Variants in PCMTD1 observed in about 807,000 individuals in gnomAD.
The protein encoded by PCMTD1 is protein-L-isoaspartate O-methyltransferase domain-containing protein 1.
PCMTD1 carries 12 observed loss-of-function variants against 37.6 expected under a neutral mutation model. The ratio of observed to expected loss-of-function variants is 0.32; its 90% CI spans 0.20 to 0.52. The LOEUF (loss-of-function observed/expected upper bound fraction) is 0.52, where lower values mean the gene tolerates loss of function less well. Among genes scored for constraint, PCMTD1 ranks in the 20% least tolerant of loss-of-function variants. The probability of loss-of-function intolerance (pLI) is 0.97; values close to 1 mark genes in which losing one functional copy is unlikely to be tolerated. For missense variants in PCMTD1, 235 were observed against 421.3 expected (o/e 0.56, Z 3.87); for synonymous variants, 117 against 135.8 (o/e 0.86, Z 0.96).
intron 3 of PCMTD1, among the ~76,000 whole-genome samples, chr8:51,835,182 G>GT (rs2038052179): frequency 1.3e-5 from 2 of 152,108 alleles, no homozygotes; most frequent in Admixed American, 1.3e-4. Context: ...ATCACACAGT[G>GT]TTTTGAAATC....
At chr8:51,875,936 GTGTT>G (rs1438598713) in intron 1 of PCMTD1, among the ~76,000 whole-genome samples, 3 of 56,060 alleles carry the variant, frequency 5.4e-5, no homozygotes, top group African/African-American at 8.7e-5. Context: ...TCTCAAAAAT[GTGTT>G]TGTGTGTGTG....
intron 1 of PCMTD1, among the ~76,000 whole-genome samples, chr8:51,882,728 C>T (rs368294935): frequency 6.7e-6 from 1 of 149,852 alleles, no homozygotes; most frequent in African/African-American, 2.5e-5. Flanking sequence ...CTCCACTGGA[C>T]ATTAACATAG....
chr8:51,871,406 G>C (rs772484155), intron 1 of PCMTD1, among the ~76,000 whole-genome samples: 4 of 152,184 alleles, frequency 2.6e-5, no homozygotes, highest in Non-Finnish European at 5.9e-5. Context: ...ATTAAGAGTA[G>C]CTGCCCTTCC....
At chr8:51,832,112 A>T (rs1439785106) in intron 4 of PCMTD1, among the ~76,000 whole-genome samples, 1 of 152,232 alleles carries the variant, frequency 6.6e-6, no homozygotes, top group African/African-American at 2.4e-5. Flanking sequence ...TTAGCTCAAT[A>T]CACATCTTGT....
intron 1 of PCMTD1, among the ~76,000 whole-genome samples, chr8:51,898,372 A>G (rs1223324319): frequency 1.3e-5 from 2 of 152,110 alleles, no homozygotes; most frequent in Admixed American, 6.5e-5. Flanking sequence ...TAGACGCTCA[A>G]AAACACAAAA....
intron 1 of PCMTD1, among the ~76,000 whole-genome samples, chr8:51,894,169 T>C (rs1376435276): frequency 6.8e-6 from 1 of 146,796 alleles, no homozygotes; most frequent in African/African-American, 2.7e-5. Flanking sequence ...AAGGCAGAGA[T>C]GGGAGAAAGA....
chr8:51,882,971 CAA>C (rs71252917), intron 1 of PCMTD1, among the ~76,000 whole-genome samples: 42 of 137,588 alleles, frequency 3.1e-4, no homozygotes, highest in East Asian at 8.4e-4. Flanking sequence ...ACTAAAAATA[CAA>C]AAAAAAAAAA....
chr8:51,862,188 T>C (rs1284347524), intron 1 of PCMTD1, among the ~76,000 whole-genome samples: 1 of 152,216 alleles, frequency 6.6e-6, no homozygotes, highest in Non-Finnish European at 1.5e-5. Context: ...CAGAATAACA[T>C]ATTACTCGAA....
chr8:51,859,816 A>G (rs1003004431), intron 2 of PCMTD1, among the ~76,000 whole-genome samples: 3 of 152,258 alleles, frequency 2.0e-5, no homozygotes, highest in African/African-American at 7.2e-5. Context: ...CCATCACTTT[A>G]GAATGAATTT....
chr8:51,875,137 G>T (rs1052610643), intron 1 of PCMTD1, among the ~76,000 whole-genome samples: 2 of 152,076 alleles, frequency 1.3e-5, no homozygotes, highest in African/African-American at 4.8e-5. Flanking sequence ...CTTTTAAAAA[G>T]AATTTCTTTA....
chr8:51,878,568 G>T (rs1321406925), intron 1 of PCMTD1, among the ~76,000 whole-genome samples: 1 of 151,930 alleles, frequency 6.6e-6, no homozygotes, highest in African/African-American at 2.4e-5. Flanking sequence ...GCAACATAGT[G>T]AGACCCTCAT....
intron 5 of PCMTD1, 102 bp downstream of exon 5, chr8:51,831,342 A>T: frequency 8.4e-7 from 1 of 1,196,180 alleles, no homozygotes; most frequent in Non-Finnish European, 1.2e-6. Context: ...ATCTTACTGC[A>T]TAAGTATTTA....
chr8:51,864,318 A>T (rs527922869), intron 1 of PCMTD1, among the ~76,000 whole-genome samples: 1 of 152,330 alleles, frequency 6.6e-6, no homozygotes, highest in East Asian at 1.9e-4. Context: ...TGGCAGAGGA[A>T]TTCAAACTCC....
chr8:51,855,805 G>A (rs570318415), intron 2 of PCMTD1, among the ~76,000 whole-genome samples: 3 of 151,872 alleles, frequency 2.0e-5, no homozygotes, highest in South Asian at 4.2e-4. Context: ...AACTACAGGC[G>A]CCTGCCACCA....
chr8:51,846,528 C>T (rs566297192), intron 2 of PCMTD1, among the ~76,000 whole-genome samples: 5 of 152,320 alleles, frequency 3.3e-5, no homozygotes, highest in African/African-American at 9.6e-5. Context: ...GAATATAACA[C>T]ACAAATTACA....
chr8:51,845,467 T>C (rs2038204137), intron 3 of PCMTD1, 194 bp downstream of exon 3: 2 of 424,814 alleles, frequency 4.7e-6, no homozygotes, highest in African/African-American at 2.0e-5. Context: ...TCACATTATT[T>C]ATAATTTACT....
At chr8:51,825,883 G>A (rs1433306329) in intron 5 of PCMTD1, among the ~76,000 whole-genome samples, 3 of 152,120 alleles carry the variant, frequency 2.0e-5, no homozygotes, top group Non-Finnish European at 4.4e-5. Context: ...GGAGAAATAG[G>A]AACACTTTTA....
chr8:51,824,394 C>T (rs2129273167), intron 5 of PCMTD1, among the ~76,000 whole-genome samples: 1 of 152,286 alleles, frequency 6.6e-6, no homozygotes, highest in South Asian at 2.1e-4. Flanking sequence ...CATTCCTATA[C>T]ATCAATAACA....
At position 51,889,243 on chromosome 8, in the gene PCMTD1, A is replaced by C. The variant is rs143280968; in HGVS notation, c.-96+9687T>G. Among the ~76,000 whole-genome samples, 302 of 152,332 alleles carry C rather than the reference A, an allele frequency of 2.0e-3. 1 individual carries two copies. The highest frequency in any genetic ancestry group is 3.4e-3 in the Middle Eastern group (1 of 294). On this transcript the variant is annotated intron_variant, in intron 1 of 5. Transcript: ENST00000522514. ...TCTATCAAGTGTTAACTGACCTCATAATCTCTGAAAAGTAGTATACGACTC... is the reference window on the plus strand; with the variant it reads ...TCTATCAAGTGTTAACTGACCTCATCATCTCTGAAAAGTAGTATACGACTC...
Sources: gnomAD v4.1 joint callset for allele counts (sites outside exome capture counted in the v4.1 genomes callset) on GRCh38, gnomAD v4.1.1 for gene constraint, MANE v1.5 for transcripts, NCBI Gene and HGNC (gene_info 2026-07-23, HGNC 2026-07-21) for gene names.